Variants in FLNB observed in about 807,000 individuals in gnomAD.
FLNB encodes filamin-B.
Under a neutral mutation model 250.6 loss-of-function variants are expected in FLNB, and 111 were observed. The observed-to-expected ratio is 0.44, with a 90% CI of 0.38 to 0.52. FLNB has a LOEUF of 0.52. FLNB is among the 20% of genes least tolerant of loss of function. FLNB has a pLI of 0.00. For missense variants in FLNB, 2,869 were observed against 3,447.8 expected, an observed-to-expected ratio of 0.83 and a Z score of 4.20; for synonymous variants, 1,302 against 1,372.1, an observed-to-expected ratio of 0.95 and a Z score of 1.13.
chr3:58,078,943 CTCTCA>C (rs540424264), intron 3 of FLNB, 129 bp downstream of exon 3: 242 of 689,906 alleles, frequency 3.5e-4, no homozygotes, highest in African/African-American at 3.3e-3. Flanking sequence ...CTGTGATGCT[CTCTCA>C]TCTTCCTCAG....
intron 31 of FLNB, 115 bp from the exon 32 acceptor site, chr3:58,143,358 A>G: frequency 9.3e-7 from 1 of 1,078,874 alleles, no homozygotes; most frequent in South Asian, 1.3e-5. Flanking sequence ...TTAGGCAGCA[A>G]CGAATGTTCT....
chr3:58,008,447 TAGC>T lies in FLNB; in HGVS notation c.-113_-111del. The T allele has an allele frequency of 8.1e-7, 1 of 1,235,718 alleles. No individual in the cohort carries two copies. Among genetic ancestry groups the T allele is most frequent in the South Asian group, 1.3e-5 (1 of 76,562 alleles). The allele number at this position is 1,235,718 out of a possible 1,614,324, so 76.5% of individuals were successfully genotyped here. Reference sequence around the variant, plus strand: ...AGAGCAGCACCGGCCGTGGCTCCGGTAGCAGCAAGTTCGAACCCCGCTCCCGCT... The same window carrying T: ...AGAGCAGCACCGGCCGTGGCTCCGGTAGCAAGTTCGAACCCCGCTCCCGCT... On this transcript the variant is annotated 5_prime_UTR_variant, in exon 1 of 46. Coordinates refer to ENST00000295956, the MANE Select transcript of FLNB (RefSeq NM_001457.4).
intron 1 of FLNB, among the ~76,000 whole-genome samples, chr3:58,016,344 G>A (rs908668964): frequency 5.9e-5 from 9 of 152,022 alleles, no homozygotes; most frequent in Non-Finnish European, 1.2e-4. Context: ...GTGAGCCACG[G>A]CATCCAGCCC....
chr3:58,153,829 G>A (rs1035616535), intron 39 of FLNB, among the ~76,000 whole-genome samples, 188 bp downstream of exon 39: 8 of 152,218 alleles, frequency 5.3e-5, no homozygotes, highest in Non-Finnish European at 1.2e-4. Flanking sequence ...GCTCACTTAC[G>A]TAAAGCCAAA....
intron 1 of FLNB, among the ~76,000 whole-genome samples, chr3:58,068,851 G>A (rs898661451): frequency 6.6e-6 from 1 of 152,174 alleles, no homozygotes; most frequent in Admixed American, 6.5e-5. Flanking sequence ...GTTGGATATA[G>A]AAGAGGCATT....
In FLNB at chr3:58,136,081, G is replaced by A. The variant is rs754360853; in HGVS notation, c.4774G>A (p.Val1592Ile). The change falls in exon 28 of 46, where the codon GTC (valine) becomes ATC (isoleucine). Residue 1592 changes from valine (V) to isoleucine (I), a missense_variant. This residue lies in a region of FLNB where 126 missense variants were observed against 182.0 expected (regional missense o/e 0.69). Transcript: ENST00000295956. ...PDKTGRYMIG[V>I]TYGGDDIPLS... is the part of the protein sequence containing the mutation. ...CAAGACTGGGCGCTATATGATTGGA[G>A]TCACCTACGGGGGTGACGACATCCC... 32 of 1,614,094 alleles carry A rather than the reference G, an allele frequency of 2.0e-5. No homozygotes were observed. The Admixed American group carries it at 5.0e-4, about 25-fold the overall frequency.
chr3:58,141,122 G>A (rs548622012), intron 29 of FLNB, among the ~76,000 whole-genome samples: 1 of 152,096 alleles, frequency 6.6e-6, no homozygotes, highest in Admixed American at 6.5e-5. Context: ...GTGTGGTGGT[G>A]CACGCCTCTA....
At chr3:58,108,055 A>G (rs1468012815) in intron 12 of FLNB, among the ~76,000 whole-genome samples, 1 of 151,928 alleles carries the variant, frequency 6.6e-6, no homozygotes, top group East Asian at 2.0e-4. Context: ...CCTGGGCCAC[A>G]CTGGAAGGAG....
Position 58,159,661 on chromosome 3 carries a change from G to T in FLNB, c.6996G>T (p.Glu2332Asp), listed in dbSNP as rs759644617. 1.9e-6 allele frequency: 3 copies of T among 1,613,736 alleles called. No individual in the cohort carries two copies. Among genetic ancestry groups the T allele is most frequent in the Non-Finnish European group, 2.5e-6 (3 of 1,180,038 alleles). The change falls in exon 42 of 46, where the codon GAG becomes GAT. Residue 2332 changes from glutamate to aspartate, a missense_variant. By Grantham distance (45) the Glu-to-Asp change is conservative. Around this residue, in one of 5 missense-constraint regions of FLNB, gnomAD observed 1,084 missense variants for 1,315.5 expected, o/e 0.82. Coordinates refer to ENST00000295956, the MANE Select transcript of FLNB (RefSeq NM_001457.4). ...KVHSPSGAVE[E>D]CHVSELEPDK... Reference sequence around the variant, plus strand: ...ACAGCCCCTCTGGAGCCGTGGAGGAGTGCCACGTGTCTGAGCTGGAGCCAG... The same window carrying T: ...ACAGCCCCTCTGGAGCCGTGGAGGATTGCCACGTGTCTGAGCTGGAGCCAG...
At chr3:58,033,597 G>A (rs2097133946) in intron 1 of FLNB, among the ~76,000 whole-genome samples, 1 of 152,100 alleles carries the variant, frequency 6.6e-6, no homozygotes, top group South Asian at 2.1e-4. Context: ...TCACCATGTT[G>A]GCCAGGCTGG....
rs755612076 is a variant in FLNB at position 58,149,937 on chromosome 3, C to T, written c.6179C>T (p.Ser2060Phe). ...CTGGAAGATGGCACCTGCAAAGTCT[C>T]CTACTTCCCTACCGTGCCTGGGGTT... is the stretch of plus-strand genomic sequence containing the variant. ...EDLEDGTCKV[S>F]YFPTVPGVYI... The change falls in exon 37 of 46, where the codon TCC (serine) becomes TTC (phenylalanine). Residue 2060 changes from serine (S) to phenylalanine (F), a missense_variant. Physicochemically the swap from Ser to Phe is radical, Grantham distance 155 (BLOSUM62 -2). Coordinates refer to ENST00000295956, the MANE Select transcript of FLNB (RefSeq NM_001457.4). 3.1e-6 allele frequency: 5 copies of T among 1,614,244 alleles called. No individual in the cohort carries two copies. In the South Asian group the frequency reaches 4.4e-5, roughly 14 times the overall value.
chr3:58,008,719 C>T lies in FLNB; in HGVS notation c.155C>T (p.Ala52Val). The T allele has an allele frequency of 6.2e-7, 1 of 1,614,172 alleles. No homozygotes were observed. The highest frequency in any genetic ancestry group is 8.5e-7 in the Non-Finnish European group (1 of 1,180,040). ...CTGAGCGACGGGCTGCGGCTCATCGCGCTGCTCGAGGTGCTCAGCCAGAAG... is the reference window on the plus strand; with the variant it reads ...CTGAGCGACGGGCTGCGGCTCATCGTGCTGCTCGAGGTGCTCAGCCAGAAG... ...TDLSDGLRLI[A>V]LLEVLSQKRM... Residue 52 changes from alanine to valine, a missense_variant, in exon 1 of 46, where the codon GCG (alanine) becomes GTG (valine). Physicochemically the swap from Ala to Val is moderately conservative, Grantham distance 64. Transcript: ENST00000295956.
chr3:58,127,873 G>A (rs182155359), intron 24 of FLNB, among the ~76,000 whole-genome samples: 6 of 152,206 alleles, frequency 3.9e-5, no homozygotes, highest in Non-Finnish European at 8.8e-5. Flanking sequence ...CAATAGCTTT[G>A]GGGTACAAGT....
intron 18 of FLNB, among the ~76,000 whole-genome samples, chr3:58,115,966 T>A (rs2097277128): frequency 6.6e-6 from 1 of 152,112 alleles, no homozygotes; most frequent in Admixed American, 6.5e-5. Flanking sequence ...ACACATTAAA[T>A]CTCTCCTTAG....
rs6445948 is a variant in FLNB at position 58,135,899 on chromosome 3, T to A, written c.4672-80T>A. On this transcript the variant is annotated intron_variant, in intron 27 of 45. Coordinates refer to ENST00000295956, the MANE Select transcript of FLNB (RefSeq NM_001457.4). The stretch of plus-strand genomic sequence containing the variant: ...GTCTGTTTCCACTAGAGGCACTAAT[T>A]GGAAAATATGTCAGGGTTTTCCATG... 961,461 of 1,439,026 alleles carry A rather than the reference T, an allele frequency of 0.67. 327,029 individuals carry two copies. Among genetic ancestry groups the A allele is most frequent in the East Asian group, 1 (42,738 of 42,792 alleles). 89.1% of individuals were successfully genotyped at this position (1,439,026 alleles called of 1,614,324 possible). A position where few individuals can be genotyped will look rare whatever the true frequency, so the allele number is the denominator to read the frequency against.
intron 1 of FLNB, among the ~76,000 whole-genome samples, chr3:58,038,773 C>T (rs774711943): frequency 1.3e-5 from 2 of 152,112 alleles, no homozygotes; most frequent in Non-Finnish European, 2.9e-5. Flanking sequence ...CTGGCAGTTA[C>T]TACTTGCAGG....
chr3:58,150,704 C>CT (rs895937326), intron 38 of FLNB: 3 of 206,560 alleles, frequency 1.5e-5, no homozygotes, highest in African/African-American at 7.0e-5. Context: ...AATTGTTCTT[C>CT]TTGGGCCCCG....
intron 4 of FLNB, among the ~76,000 whole-genome samples, chr3:58,089,460 C>A (rs531350510): frequency 6.6e-6 from 1 of 150,548 alleles, no homozygotes; most frequent in African/African-American, 2.4e-5. Context: ...GCAGGAGAAT[C>A]GCTTGAAACT....
chr3:58,160,310 T>G (rs894044453), intron 42 of FLNB, among the ~76,000 whole-genome samples: 1 of 152,242 alleles, frequency 6.6e-6, no homozygotes, highest in Admixed American at 6.5e-5. Flanking sequence ...TCCTAAGATT[T>G]TTCTTGCTTG....
Sources: gnomAD v4.1 joint callset for allele counts (sites outside exome capture counted in the v4.1 genomes callset) on GRCh38, gnomAD v4.1.1 for gene constraint, gnomAD v4.1.1 regional missense constraint, MANE v1.5 for transcripts, NCBI Gene and HGNC (gene_info 2026-07-23, HGNC 2026-07-21) for gene names.